SEPTIN7: variants seen among roughly 807,000 people sequenced by gnomAD.
SEPTIN7 encodes the protein septin-7.
Under a neutral mutation model 63.3 loss-of-function variants are expected in SEPTIN7, and 10 were observed. The observed-to-expected ratio is 0.16, with a 90% CI of 0.10 to 0.27. The LOEUF (loss-of-function observed/expected upper bound fraction) is 0.27. Among genes scored for constraint, SEPTIN7 ranks in the 10% least tolerant of loss-of-function variants. The pLI is 1.00. For missense variants in SEPTIN7, 310 were observed against 521.0 expected (o/e 0.59, Z 3.94); for synonymous variants, 131 against 165.3 (o/e 0.79, Z 1.59).
intron 3 of SEPTIN7, among the ~76,000 whole-genome samples, chr7:35,846,253 T>G (rs1034634480): frequency 6.6e-6 from 1 of 152,216 alleles, no homozygotes; most frequent in African/African-American, 2.4e-5. Flanking sequence ...AATATTTTTA[T>G]AGGTGTATCA....
chr7:35,828,287 A>C (rs572580597), intron 1 of SEPTIN7, among the ~76,000 whole-genome samples: 1 of 152,208 alleles, frequency 6.6e-6, no homozygotes, highest in Non-Finnish European at 1.5e-5. Flanking sequence ...CAGCATAGTT[A>C]AGTGAATCCT....
At chr7:35,822,562 C>T (rs1469053864) in intron 1 of SEPTIN7, among the ~76,000 whole-genome samples, 5 of 152,056 alleles carry the variant, frequency 3.3e-5, no homozygotes, top group Non-Finnish European at 2.9e-5. Context: ...AGAGCTCAGG[C>T]GGTAATACGA....
At chr7:35,828,885 C>T (rs1421311510) in intron 1 of SEPTIN7, among the ~76,000 whole-genome samples, 1 of 152,152 alleles carries the variant, frequency 6.6e-6, no homozygotes, top group Non-Finnish European at 1.5e-5. Context: ...CTTGGCCTCC[C>T]AAAGTTTGGA....
downstream of SEPTIN7, among the ~76,000 whole-genome samples, chr7:35,911,211 T>C (rs1315989641): frequency 6.6e-6 from 1 of 152,218 alleles, no homozygotes; most frequent in African/African-American, 2.4e-5. Flanking sequence ...GTAGCTATGA[T>C]AGCGGTAATC....
intron 9 of SEPTIN7, among the ~76,000 whole-genome samples, chr7:35,884,633 C>A (rs561998767): frequency 6.6e-6 from 1 of 152,286 alleles, no homozygotes; most frequent in South Asian, 2.1e-4. Flanking sequence ...GTCAGATGGT[C>A]ATGGACCCTC....
chr7:35,907,977 T>C (rs1241166322), downstream of SEPTIN7, among the ~76,000 whole-genome samples: 1 of 152,156 alleles, frequency 6.6e-6, no homozygotes, highest in Non-Finnish European at 1.5e-5. Context: ...TTCTTCTCAG[T>C]TTTAGTGACG....
At chr7:35,879,420 A>C (rs931416923) in intron 6 of SEPTIN7, among the ~76,000 whole-genome samples, 1 of 152,104 alleles carries the variant, frequency 6.6e-6, no homozygotes, top group Non-Finnish European at 1.5e-5. Context: ...GGTGGGTTGC[A>C]GTGAGCTGAG....
At chr7:35,823,091 A>G (rs1199094059) in intron 1 of SEPTIN7, among the ~76,000 whole-genome samples, 2 of 152,170 alleles carry the variant, frequency 1.3e-5, no homozygotes, top group East Asian at 3.8e-4. Context: ...AAAATATTTA[A>G]AAGTAAAATA....
At position 35,890,335 on chromosome 7, in the gene SEPTIN7, A is replaced by T. The variant is rs563888292; in HGVS notation, c.873-333A>T. 5.9e-5 allele frequency among the ~76,000 whole-genome samples: 9 copies of T among 152,256 alleles called. No homozygotes were observed. The East Asian group carries it at 1.4e-3, about 23-fold the overall frequency. ...ATTTTATGAGCTTCAGTAGTGGCCAATCTGCACTCTGTTGTCTAGTATTTA... is the reference window on the plus strand; with the variant it reads ...ATTTTATGAGCTTCAGTAGTGGCCATTCTGCACTCTGTTGTCTAGTATTTA... On this transcript the variant is annotated intron_variant, in intron 10 of 13. Coordinates refer to ENST00000350320, the MANE Select transcript of SEPTIN7 (RefSeq NM_001788.6).
At chr7:35,874,305 T>C (rs1189947345) in intron 6 of SEPTIN7, among the ~76,000 whole-genome samples, 1 of 152,162 alleles carries the variant, frequency 6.6e-6, no homozygotes, top group African/African-American at 2.4e-5. Context: ...AGTACTAATC[T>C]TTTGTTTATT....
intron 3 of SEPTIN7, among the ~76,000 whole-genome samples, chr7:35,853,230 G>A (rs182312240): frequency 6.6e-6 from 1 of 152,284 alleles, no homozygotes; most frequent in Non-Finnish European, 1.5e-5. Context: ...CCAGGCGTTT[G>A]AGACCAGCCT....
intron 12 of SEPTIN7, chr7:35,902,243 T>G (rs1788367678): frequency 6.6e-6 from 1 of 151,880 alleles, no homozygotes; most frequent in Non-Finnish European, 1.5e-5. Flanking sequence ...ATGGATTGAC[T>G]TGCACCTAAA....
intron 1 of SEPTIN7, among the ~76,000 whole-genome samples, chr7:35,823,851 C>T (rs555982614): frequency 1.6e-4 from 25 of 152,014 alleles, no homozygotes; most frequent in African/African-American, 6.0e-4. Context: ...AAATCCCCTA[C>T]TTCTCTTCTC....
intron 10 of SEPTIN7, among the ~76,000 whole-genome samples, chr7:35,889,170 G>A (rs17172039): frequency 0.011 from 1,645 of 152,290 alleles, 35 homozygotes; most frequent in East Asian, 0.077. Flanking sequence ...GGTTTCCAAA[G>A]CAATTAAGTC....
At chr7:35,909,558 T>TA (rs1357375599), downstream of SEPTIN7, among the ~76,000 whole-genome samples, 2 of 152,104 alleles carry the variant, frequency 1.3e-5, no homozygotes, top group East Asian at 3.8e-4. Context: ...CTGGGAAAAA[T>TA]ACCTGCCTAT....
rs376459987 is a variant in SEPTIN7, at chr7:35,882,471, T to A, written c.631-13T>A. On this transcript the variant is annotated splice_polypyrimidine_tract_variant and intron_variant, in intron 7 of 13. Coordinates refer to ENST00000350320, the MANE Select transcript of SEPTIN7 (RefSeq NM_001788.6). ...GTATGGTGCTCTTTTGCTGACTACT[T>A]CTTCCATTTTAGATAATGAAAGAAA... 6.4e-5 allele frequency: 93 copies of A among 1,445,570 alleles called. 1 individual carries two copies. In the East Asian group the frequency reaches 2.0e-3, roughly 31 times the overall value. 89.5% of individuals were successfully genotyped at this position (1,445,570 alleles called of 1,614,324 possible). A position where few individuals can be genotyped will look rare whatever the true frequency, so the allele number is the denominator to read the frequency against.
At chr7:35,873,871 A>G (rs932604714) in intron 6 of SEPTIN7, 96 bp downstream of exon 6, 1 of 1,166,980 alleles carries the variant, frequency 8.6e-7, no homozygotes, top group Admixed American at 2.1e-5. Flanking sequence ...TGTGAAGTAC[A>G]CACAACTATA....
rs77401123 is a variant in SEPTIN7, at chr7:35,864,946, T to C, written c.276+1288T>C. On this transcript the variant is annotated intron_variant, in intron 4 of 13. Transcript: ENST00000350320. The stretch of plus-strand genomic sequence containing the variant: ...TCATATATCAAACTATAAGATGCAG[T>C]TTAGTAACTAGATCCCAAAGGAGTA... Among the ~76,000 whole-genome samples, 1,084 of 152,170 alleles carry C rather than the reference T, an allele frequency of 7.1e-3. 17 individuals carry two copies. Among genetic ancestry groups the C allele is most frequent in the African/African-American group, 0.025 (1,055 of 41,524 alleles).
intron 6 of SEPTIN7, among the ~76,000 whole-genome samples, chr7:35,875,416 C>G (rs1331503738): frequency 6.6e-6 from 1 of 152,158 alleles, no homozygotes; most frequent in Non-Finnish European, 1.5e-5. Flanking sequence ...TCACTACAGA[C>G]TGAAATTCCA....
Sources: allele counts gnomAD v4.1 joint callset (sites outside exome capture counted in the v4.1 genomes callset), GRCh38; gene constraint gnomAD v4.1.1; transcripts MANE v1.5; gene names NCBI Gene and HGNC (gene_info 2026-07-23, HGNC 2026-07-21).